Variants in ADGRL3 observed in about 807,000 individuals in gnomAD.
The protein encoded by ADGRL3 is adhesion G protein-coupled receptor L3.
A neutral mutation model predicts 153.5 loss-of-function variants in ADGRL3; 62 were observed. That is an observed-to-expected ratio of 0.40 (90% CI 0.33 to 0.50). The LOEUF (loss-of-function observed/expected upper bound fraction) is 0.50, where lower values mean the gene tolerates loss of function less well. Among genes scored for constraint, ADGRL3 ranks in the 20% least tolerant of loss-of-function variants. ADGRL3 has a pLI of 0.47. For missense variants in ADGRL3, 1,641 were observed against 1,859.4 expected, an observed-to-expected ratio of 0.88 and a Z score of 2.16; for synonymous variants, 710 against 672.5, an observed-to-expected ratio of 1.06 and a Z score of -0.86.
chr4:62,009,540 A>G (rs908870164), intron 21 of ADGRL3, among the ~76,000 whole-genome samples: 116 of 152,280 alleles, frequency 7.6e-4, no homozygotes, highest in African/African-American at 2.1e-3. Flanking sequence ...AAAAGAGACT[A>G]AATAGAAATG....
chr4:61,335,384 C>T (rs1166483868), intron 1 of ADGRL3, among the ~76,000 whole-genome samples: 1 of 152,090 alleles, frequency 6.6e-6, no homozygotes, highest in Non-Finnish European at 1.5e-5. Context: ...TCACAGCATG[C>T]CTCTTGAAAA....
chr4:61,373,272 T>C (rs2096562569), intron 1 of ADGRL3, among the ~76,000 whole-genome samples: 1 of 152,194 alleles, frequency 6.6e-6, no homozygotes, highest in Non-Finnish European at 1.5e-5. Flanking sequence ...TTTTCTAAAA[T>C]ATCTAGTTCA....
At chr4:61,475,047 A>G (rs2098027478) in intron 2 of ADGRL3, among the ~76,000 whole-genome samples, 1 of 152,166 alleles carries the variant, frequency 6.6e-6, no homozygotes, top group East Asian at 1.9e-4. Context: ...AGCTAATCTA[A>G]CAACTATTTT....
chr4:61,421,873 A>G (rs1190707627), intron 2 of ADGRL3, among the ~76,000 whole-genome samples: 1 of 152,084 alleles, frequency 6.6e-6, no homozygotes, highest in Non-Finnish European at 1.5e-5. Flanking sequence ...TTTGTAAATA[A>G]ATATGACTTT....
chr4:61,925,605 G>A (rs1401428289), intron 13 of ADGRL3, among the ~76,000 whole-genome samples: 1 of 152,076 alleles, frequency 6.6e-6, no homozygotes, highest in Non-Finnish European at 1.5e-5. Context: ...AGCAGGAGCC[G>A]CCATATCACA....
At chr4:61,824,052 A>C (rs1215599860) in intron 9 of ADGRL3, among the ~76,000 whole-genome samples, 1 of 114,562 alleles carries the variant, frequency 8.7e-6, no homozygotes, top group African/African-American at 4.3e-5. Flanking sequence ...ACAGAGCGAG[A>C]ATCCGTCTCA....
In ADGRL3 at chr4:61,908,505, G is replaced by A. The variant is rs553390891; in HGVS notation, c.1888-1055G>A. Among the ~76,000 whole-genome samples, 16 of 151,614 alleles carry A rather than the reference G, an allele frequency of 1.1e-4. 1 individual carries two copies. In the South Asian group the frequency reaches 3.3e-3, roughly 32 times the overall value. ...CCAGCTACTTGGGAGGCTGGGACAG[G>A]AGGCAGCTACTTGGGAGGCTTGAAC... On this transcript the variant is annotated intron_variant, in intron 11 of 26. Transcript: ENST00000683033.
chr4:61,256,887 T>A (rs563646894), intron 1 of ADGRL3, among the ~76,000 whole-genome samples: 43 of 152,300 alleles, frequency 2.8e-4, no homozygotes, highest in Middle Eastern at 3.4e-3. Flanking sequence ...CAATATTTCC[T>A]ACAAAAATGC....
At chr4:61,391,429 AT>A (rs1235803143) in intron 2 of ADGRL3, among the ~76,000 whole-genome samples, 1 of 152,130 alleles carries the variant, frequency 6.6e-6, no homozygotes, top group African/African-American at 2.4e-5. Context: ...CAATCACCTC[AT>A]ACCAGGCTAC....
At chr4:61,409,361 TTA>T (rs201028487) in intron 2 of ADGRL3, among the ~76,000 whole-genome samples, 2 of 21,736 alleles carry the variant, frequency 9.2e-5, no homozygotes, top group Non-Finnish European at 4.3e-4. Flanking sequence ...ATATAATATA[TTA>T]TATATATAAG....
At chr4:62,013,837 G>A (rs1018823868) in intron 21 of ADGRL3, among the ~76,000 whole-genome samples, 3 of 151,786 alleles carry the variant, frequency 2.0e-5, no homozygotes, top group Non-Finnish European at 4.4e-5. Context: ...TCAGTGAGCC[G>A]AGATCGCACC....
intron 2 of ADGRL3, among the ~76,000 whole-genome samples, chr4:61,440,441 G>A (rs530375109): frequency 6.6e-6 from 1 of 152,318 alleles, no homozygotes; most frequent in South Asian, 2.1e-4. Context: ...TTTGGAAGAA[G>A]GACTTAGTAA....
At chr4:61,613,603 G>T (rs987651567) in intron 5 of ADGRL3, among the ~76,000 whole-genome samples, 1 of 152,106 alleles carries the variant, frequency 6.6e-6, no homozygotes, top group Admixed American at 6.6e-5. Flanking sequence ...ATTTAGCTGG[G>T]TGTGGTGGTG....
chr4:61,615,831 C>T (rs1329341368), intron 5 of ADGRL3, among the ~76,000 whole-genome samples: 1 of 151,894 alleles, frequency 6.6e-6, no homozygotes, highest in Non-Finnish European at 1.5e-5. Flanking sequence ...TACAAGTATA[C>T]TTGAATTTAT....
At chr4:61,442,967 T>A (rs1578883679) in intron 2 of ADGRL3, among the ~76,000 whole-genome samples, 1 of 152,150 alleles carries the variant, frequency 6.6e-6, no homozygotes, top group Admixed American at 6.5e-5. Context: ...TTGAATTAAT[T>A]TTTGTTCTAA....
chr4:61,963,398 A>G (rs1434311436), intron 17 of ADGRL3, among the ~76,000 whole-genome samples: 5 of 151,986 alleles, frequency 3.3e-5, no homozygotes, highest in Non-Finnish European at 7.4e-5. Flanking sequence ...GTAGTTATTC[A>G]GTCCTCACCC....
At chr4:61,594,140 C>T (rs2098980152) in intron 5 of ADGRL3, among the ~76,000 whole-genome samples, 1 of 152,124 alleles carries the variant, frequency 6.6e-6, no homozygotes. Flanking sequence ...AGCATTTCTG[C>T]TTGATTCCTT....
At position 61,946,910 on chromosome 4, in the gene ADGRL3, T is replaced by TTA; in HGVS notation, c.2420-3_2420-2dup. The TTA allele has an allele frequency of 6.2e-7, 1 of 1,611,346 alleles. No individual in the cohort carries two copies. The highest frequency in any genetic ancestry group is 1.1e-5 in the South Asian group (1 of 91,048). ...AAACTAATCAGAGTTTGCATTTACT[T>TTA]TAGGAGAGATCAGAGTGGCCTTTGT... is the stretch of plus-strand genomic sequence containing the variant. On this transcript the variant is annotated splice_polypyrimidine_tract_variant and splice_region_variant and intron_variant, in intron 15 of 26. Transcript: ENST00000683033.
At chr4:61,665,113 CTT>C (rs1349050275) in intron 5 of ADGRL3, among the ~76,000 whole-genome samples, 1 of 152,144 alleles carries the variant, frequency 6.6e-6, no homozygotes, top group East Asian at 1.9e-4. Context: ...TATTCTTACT[CTT>C]TAAATGGCAG....
Sources: gnomAD v4.1 joint callset for allele counts (sites outside exome capture counted in the v4.1 genomes callset) on GRCh38, gnomAD v4.1.1 for gene constraint, MANE v1.5 for transcripts, NCBI Gene and HGNC (gene_info 2026-07-23, HGNC 2026-07-21) for gene names.